The following FSTL5 variants were observed in gnomAD, a reference collection of about 807,000 sequenced individuals.
FSTL5 encodes follistatin-related protein 5.
A neutral mutation model predicts 89.1 loss-of-function variants in FSTL5; 62 were observed. The ratio of observed to expected loss-of-function variants is 0.70; its 90% CI spans 0.57 to 0.86. FSTL5 has a LOEUF of 0.86. Ranked by LOEUF, FSTL5 falls within the 40% of genes least tolerant of loss-of-function variation. The probability of loss-of-function intolerance (pLI) is 0.00; values close to 1 mark genes in which losing one functional copy is unlikely to be tolerated. For missense variants in FSTL5, 1,057 were observed against 1,001.6 expected (o/e 1.06, Z -0.75); for synonymous variants, 383 against 346.2 (o/e 1.11, Z -1.18).
chr4:161,567,288 A>C (rs2126580330), intron 8 of FSTL5, among the ~76,000 whole-genome samples: 1 of 152,264 alleles, frequency 6.6e-6, no homozygotes, highest in African/African-American at 2.4e-5. Context: ...ATAAAATAAA[A>C]TTTATTTTTA....
chr4:161,394,605 A>G (rs1272713537), intron 15 of FSTL5, among the ~76,000 whole-genome samples: 1 of 152,154 alleles, frequency 6.6e-6, no homozygotes, highest in Admixed American at 6.6e-5. Context: ...CCATGTAGTA[A>G]AGGTTACACA....
chr4:161,796,848 C>T (rs561169858), intron 4 of FSTL5, among the ~76,000 whole-genome samples: 2 of 151,618 alleles, frequency 1.3e-5, no homozygotes, highest in East Asian at 3.9e-4. Context: ...ATCTTACTCT[C>T]ATTTCTCAAA....
At position 161,416,913 on chromosome 4, in the gene FSTL5, T is replaced by G. The variant is rs190397869; in HGVS notation, c.1842-30464A>C. Among the ~76,000 whole-genome samples, 19 of 152,156 alleles carry G rather than the reference T, an allele frequency of 1.2e-4. No individual in the cohort carries two copies. The East Asian group carries it at 3.7e-3, about 29-fold the overall frequency. On this transcript the variant is annotated intron_variant, in intron 15 of 15. Transcript: ENST00000306100. The stretch of plus-strand genomic sequence containing the variant: ...CATTATTGATGCAATTTCTACTCTG[T>G]GTAAATAAATTGACTATATTCTAAA...
intron 7 of FSTL5, among the ~76,000 whole-genome samples, chr4:161,627,511 T>C (rs2126652207): frequency 6.6e-6 from 1 of 152,304 alleles, no homozygotes; most frequent in Non-Finnish European, 1.5e-5. Flanking sequence ...ATATTTGTTT[T>C]AATGTGATGG....
intron 4 of FSTL5, among the ~76,000 whole-genome samples, chr4:161,832,796 G>T: frequency 6.7e-6 from 1 of 150,166 alleles, no homozygotes; most frequent in East Asian, 2.0e-4. Context: ...TCTTGCTAGC[G>T]GTCTATCAAT....
intron 6 of FSTL5, among the ~76,000 whole-genome samples, chr4:161,723,858 A>G (rs1739301030): frequency 6.6e-6 from 1 of 152,212 alleles, no homozygotes; most frequent in African/African-American, 2.4e-5. Flanking sequence ...AAAGATACCC[A>G]AGAAGAAGTA....
At chr4:161,873,977 T>C (rs866852958) in intron 4 of FSTL5, among the ~76,000 whole-genome samples, 2 of 152,122 alleles carry the variant, frequency 1.3e-5, no homozygotes, top group Middle Eastern at 3.2e-3. Context: ...TTGTTGTTGC[T>C]ATGATATGCA....
chr4:162,024,052 G>A, intron 3 of FSTL5, among the ~76,000 whole-genome samples: 1 of 152,076 alleles, frequency 6.6e-6, no homozygotes, highest in Non-Finnish European at 1.5e-5. Flanking sequence ...TGTAAAAAAA[G>A]CCTATAAAAA....
chr4:161,557,293 T>TTTA (rs150276841), intron 8 of FSTL5, among the ~76,000 whole-genome samples: 11,311 of 151,416 alleles, frequency 0.075, 534 homozygotes, highest in Middle Eastern at 0.16. Flanking sequence ...CTTTACACAA[T>TTTA]TTATGTAATT....
intron 5 of FSTL5, among the ~76,000 whole-genome samples, chr4:161,762,517 T>C (rs1243946403): frequency 1.3e-5 from 2 of 152,204 alleles, no homozygotes; most frequent in East Asian, 1.9e-4. Context: ...TCACTAAATA[T>C]ATTTGAATAT....
chr4:162,161,375 TGCTA>T (rs1259248444), intron 1 of FSTL5, among the ~76,000 whole-genome samples: 1 of 151,908 alleles, frequency 6.6e-6, no homozygotes, highest in Non-Finnish European at 1.5e-5. Context: ...GTCCCCTATA[TGCTA>T]AATTTGGGCT....
At chr4:161,574,922 C>T (rs1475922598) in intron 8 of FSTL5, among the ~76,000 whole-genome samples, 3 of 152,212 alleles carry the variant, frequency 2.0e-5, no homozygotes, top group Non-Finnish European at 4.4e-5. Context: ...AATTGCCACA[C>T]TGTCTTCCAC....
intron 4 of FSTL5, among the ~76,000 whole-genome samples, chr4:161,864,497 T>A (rs1302445197): frequency 1.3e-5 from 2 of 152,082 alleles, no homozygotes; most frequent in Non-Finnish European, 2.9e-5. Flanking sequence ...TTAAAGGCAG[T>A]TTTAATTAAT....
chr4:161,861,347 G>A (rs1052027768), intron 4 of FSTL5, among the ~76,000 whole-genome samples: 5 of 152,070 alleles, frequency 3.3e-5, no homozygotes, highest in African/African-American at 9.7e-5. Context: ...GTTTGAACCC[G>A]GGAGGCAGAG....
At chr4:161,597,133 A>G (rs1165126082) in intron 7 of FSTL5, among the ~76,000 whole-genome samples, 17 of 152,066 alleles carry the variant, frequency 1.1e-4, no homozygotes, top group Non-Finnish European at 1.9e-4. Context: ...GGTATTGCCT[A>G]GGTTTTCTTC....
chr4:162,132,019 G>A (rs1172383064), intron 1 of FSTL5, among the ~76,000 whole-genome samples: 1 of 152,192 alleles, frequency 6.6e-6, no homozygotes, highest in Non-Finnish European at 1.5e-5. Flanking sequence ...TCAGACTTGT[G>A]AAACACTGCT....
At chr4:161,428,206 A>G (rs558958392) in intron 15 of FSTL5, among the ~76,000 whole-genome samples, 1 of 152,296 alleles carries the variant, frequency 6.6e-6, no homozygotes, top group Non-Finnish European at 1.5e-5. Flanking sequence ...CATCCATCCC[A>G]GGGGTCAGAA....
At chr4:161,525,908 T>C (rs1360182083) in intron 10 of FSTL5, among the ~76,000 whole-genome samples, 2 of 152,204 alleles carry the variant, frequency 1.3e-5, no homozygotes, top group African/African-American at 4.8e-5. Flanking sequence ...GTTTTCTTTA[T>C]AATTAATGAG....
At chr4:162,139,672 G>A (rs969944692) in intron 1 of FSTL5, among the ~76,000 whole-genome samples, 1 of 152,046 alleles carries the variant, frequency 6.6e-6, no homozygotes, top group African/African-American at 2.4e-5. Flanking sequence ...ATAAAATCTA[G>A]TCTTCATCTA....
Sources: gnomAD v4.1 joint callset for allele counts (sites outside exome capture counted in the v4.1 genomes callset) on GRCh38, gnomAD v4.1.1 for gene constraint, MANE v1.5 for transcripts, NCBI Gene and HGNC (gene_info 2026-07-23, HGNC 2026-07-21) for gene names.